The following ATXN10 variants were observed in gnomAD, a reference collection of about 807,000 sequenced individuals.
ATXN10 encodes ataxin-10.
Under a neutral mutation model 52.9 loss-of-function variants are expected in ATXN10, and 28 were observed. The observed-to-expected ratio is 0.53, with a 90% CI of 0.39 to 0.73. The LOEUF (loss-of-function observed/expected upper bound fraction) is 0.73. Ranked by LOEUF, ATXN10 falls within the 30% of genes least tolerant of loss-of-function variation. The pLI, the probability that ATXN10 is intolerant of heterozygous loss-of-function variation, is 0.00. For synonymous variants in ATXN10, 226 were observed against 221.5 expected (o/e 1.02, Z -0.18); for missense variants, 565 against 577.0 (o/e 0.98, Z 0.21).
chr22:45,783,234 T>C lies in ATXN10; in HGVS notation c.1174-23725T>C, dbSNP rs1927212103. Among the ~76,000 whole-genome samples the C allele has an allele frequency of 6.6e-6, 1 of 152,120 alleles. No individual in the cohort carries two copies. The highest frequency in any genetic ancestry group is 2.1e-4 in the South Asian group (1 of 4,818). ...GAATGGCTGGGGAGCATAAATAGTG[T>C]GGGTGTGCTGGACAAGGGAGGATTC... On this transcript the variant is annotated intron_variant, in intron 9 of 11. Transcript: ENST00000252934. The surrounding 1 kb of genome is among the most constrained non-coding windows in gnomAD (Gnocchi z 5.0).
intron 7 of ATXN10, chr22:45,738,356 G>C: frequency 5.7e-6 from 1 of 175,306 alleles, no homozygotes; most frequent in Non-Finnish European, 1.2e-5. Flanking sequence ...GAATTTGCAT[G>C]CTGGGAATGC....
chr22:45,823,012 CATCT>C lies in ATXN10; in HGVS notation c.1237+15991_1237+15994del, dbSNP rs1928702158. On this transcript the variant is annotated intron_variant, in intron 10 of 11. Coordinates refer to ENST00000252934, the MANE Select transcript of ATXN10 (RefSeq NM_013236.4). This position sits in a 1 kb window ranked among gnomAD's most constrained non-coding sequence, Gnocchi z 4.9. Reference sequence around the variant, plus strand: ...ATGTGTTGAAATAGTCTTTCCCATCCATCTTTGTTCTTACTTTCCTCATGGTGTC... The same window carrying C: ...ATGTGTTGAAATAGTCTTTCCCATCCTTGTTCTTACTTTCCTCATGGTGTC... 1 of 280,064 alleles carries C rather than the reference CATCT, an allele frequency of 3.6e-6. No individual in the cohort carries two copies. Among genetic ancestry groups the C allele is most frequent in the Non-Finnish European group, 7.4e-6 (1 of 134,970 alleles). The allele number at this position is 280,064 out of a possible 1,614,324, so 17.3% of individuals were successfully genotyped here.
intron 9 of ATXN10, among the ~76,000 whole-genome samples, chr22:45,764,188 C>T (rs907677414): frequency 2.6e-5 from 4 of 152,104 alleles, no homozygotes; most frequent in Non-Finnish European, 5.9e-5. Context: ...CCTCCCCCAT[C>T]GCAGGGGAGT....
At chr22:45,792,493 G>A (rs1927549001) in intron 9 of ATXN10, 2 of 154,722 alleles carry the variant, frequency 1.3e-5, no homozygotes, top group Non-Finnish European at 2.9e-5. Flanking sequence ...TTGTAATAGA[G>A]CCCTGGTTTC....
In ATXN10 at chr22:45,689,558, G is replaced by A. The variant is rs1923285671; in HGVS notation, c.117-154G>A. The A allele has an allele frequency of 4.5e-6, 3 of 668,170 alleles. No homozygotes were observed. In the Admixed American group the frequency reaches 6.7e-5, roughly 15 times the overall value. The allele number at this position is 668,170 out of a possible 1,614,324, so 41.4% of individuals were successfully genotyped here. A position where few individuals can be genotyped will look rare whatever the true frequency, so the allele number is the denominator to read the frequency against. Reference sequence around the variant, plus strand: ...GGTGCATAGTAAGTGCTCAATATGTGTAGATCTTTTATTTGGTGTTGTAAA... The same window carrying A: ...GGTGCATAGTAAGTGCTCAATATGTATAGATCTTTTATTTGGTGTTGTAAA... On this transcript the variant is annotated intron_variant, in intron 1 of 11. Transcript: ENST00000252934.
At chr22:45,729,734 A>C (rs769759482) in intron 7 of ATXN10, 144 bp downstream of exon 7, 6 of 939,376 alleles carry the variant, frequency 6.4e-6, no homozygotes, top group African/African-American at 1.6e-5. Context: ...ATAGTTGGAA[A>C]ATTTAGATAA....
chr22:45,675,944 T>G (rs1472163044), intron 1 of ATXN10: 2 of 152,210 alleles, frequency 1.3e-5, no homozygotes, highest in Non-Finnish European at 2.9e-5. Context: ...GATAATTCTT[T>G]TTTCTCACAT....
chr22:45,683,643 C>T lies in ATXN10; in HGVS notation c.117-6069C>T, dbSNP rs1923018420. ...AAATCTTTCTCTAAGCATGTAAAGA[C>T]ATTCTCCTTATATTTTCTTCCAAAG... On this transcript the variant is annotated intron_variant, in intron 1 of 11. Transcript: ENST00000252934. The surrounding 1 kb of genome is among the most constrained non-coding windows in gnomAD (Gnocchi z 4.8). Among the ~76,000 whole-genome samples the T allele has an allele frequency of 6.6e-6, 1 of 152,204 alleles. No homozygotes were observed. The highest frequency in any genetic ancestry group is 2.4e-5 in the African/African-American group (1 of 41,458).
chr22:45,762,449 C>T lies in ATXN10; in HGVS notation c.1173+21911C>T, dbSNP rs1926429036. Among the ~76,000 whole-genome samples, 2 of 152,226 alleles carry T rather than the reference C, an allele frequency of 1.3e-5. No homozygotes were observed. Among genetic ancestry groups the T allele is most frequent in the Admixed American group, 6.5e-5 (1 of 15,288 alleles). On this transcript the variant is annotated intron_variant, in intron 9 of 11. Coordinates refer to ENST00000252934, the MANE Select transcript of ATXN10 (RefSeq NM_013236.4). The surrounding 1 kb of genome is among the most constrained non-coding windows in gnomAD (Gnocchi z 4.3). ...CAGCAGCAGGATTCTTTCCACGGTGCATGTTCTGGCTGAGTGTTGGTGGGC... is the reference window on the plus strand; with the variant it reads ...CAGCAGCAGGATTCTTTCCACGGTGTATGTTCTGGCTGAGTGTTGGTGGGC...
intron 9 of ATXN10, among the ~76,000 whole-genome samples, chr22:45,794,442 C>A (rs1279844840): frequency 2.8e-5 from 4 of 145,424 alleles, no homozygotes; most frequent in Admixed American, 1.4e-4. Flanking sequence ...TAATTCTATT[C>A]TTTCTTAAAA....
At position 45,781,052 on chromosome 22, in the gene ATXN10, C is replaced by G. The variant is rs1201143194; in HGVS notation, c.1174-25907C>G. The stretch of plus-strand genomic sequence containing the variant: ...CAGAAAGCCCTGAGGAAAGCTCACT[C>G]TTTCTCCCTAAAGGACCAAGAAGGG... On this transcript the variant is annotated intron_variant, in intron 9 of 11. Transcript: ENST00000252934. This position sits in a 1 kb window ranked among gnomAD's most constrained non-coding sequence, Gnocchi z 4.2. Among the ~76,000 whole-genome samples, 1 of 152,208 alleles carries G rather than the reference C, an allele frequency of 6.6e-6. No homozygotes were observed. The highest frequency in any genetic ancestry group is 1.5e-5 in the Non-Finnish European group (1 of 68,042).
rs145010199 is a variant in ATXN10 at position 45,748,748 on chromosome 22, T to C, written c.1173+8210T>C. On this transcript the variant is annotated intron_variant, in intron 9 of 11. Coordinates refer to ENST00000252934, the MANE Select transcript of ATXN10 (RefSeq NM_013236.4). ...ATGTATAGGCAAGATCTGGCTTGCT[T>C]AGAATTCCACTTCTTTGTAATGTAA... 2.5e-4 allele frequency among the ~76,000 whole-genome samples: 38 copies of C among 152,338 alleles called. No homozygotes were observed. The East Asian group carries it at 6.2e-3, about 25-fold the overall frequency.
chr22:45,793,747 G>A (rs575779281), intron 9 of ATXN10: 42 of 1,431,956 alleles, frequency 2.9e-5, no homozygotes, highest in Non-Finnish European at 3.4e-5. Context: ...TGCCACCCCC[G>A]ATTCCTGCCT....
In ATXN10 at chr22:45,837,425, C is replaced by T. The variant is rs1267787337; in HGVS notation, c.1238-5566C>T. ...GCAGGCGGCTCACCAGCACGCCCAG[C>T]TGATTTTTTTGTATATTTAGTAGAG... On this transcript the variant is annotated intron_variant, in intron 10 of 11. Transcript: ENST00000252934. This position sits in a 1 kb window ranked among gnomAD's most constrained non-coding sequence, Gnocchi z 5.8. 6.6e-6 allele frequency among the ~76,000 whole-genome samples: 1 copy of T among 152,062 alleles called. No individual in the cohort carries two copies. Among genetic ancestry groups the T allele is most frequent in the East Asian group, 1.9e-4 (1 of 5,170 alleles).
rs764545600 is a variant in ATXN10 at position 45,790,130 on chromosome 22, C to T, written c.1174-16829C>T. Among the ~76,000 whole-genome samples, 2 of 152,152 alleles carry T rather than the reference C, an allele frequency of 1.3e-5. No homozygotes were observed. The highest frequency in any genetic ancestry group is 2.9e-5 in the Non-Finnish European group (2 of 68,024). On this transcript the variant is annotated intron_variant, in intron 9 of 11. Transcript: ENST00000252934. The surrounding 1 kb of genome is among the most constrained non-coding windows in gnomAD (Gnocchi z 4.7). ...GGCATTAAAGTCCAATTCTCTTGCCCATGTGTGTTCAAATAAATTGAAATT... is the reference window on the plus strand; with the variant it reads ...GGCATTAAAGTCCAATTCTCTTGCCTATGTGTGTTCAAATAAATTGAAATT...
rs1477514779 is a variant in ATXN10, at chr22:45,701,861, T to G, written c.489-828T>G. On this transcript the variant is annotated intron_variant, in intron 4 of 11. Coordinates refer to ENST00000252934, the MANE Select transcript of ATXN10 (RefSeq NM_013236.4). The surrounding 1 kb of genome is among the most constrained non-coding windows in gnomAD (Gnocchi z 4.2). The stretch of plus-strand genomic sequence containing the variant: ...GGTCAGTCAGAGAAGTCTTAACAGT[T>G]TACATGTTGCTTTTAGATGATCTCA... 6.6e-6 allele frequency among the ~76,000 whole-genome samples: 1 copy of G among 152,084 alleles called. No individual in the cohort carries two copies. Among genetic ancestry groups the G allele is most frequent in the Non-Finnish European group, 1.5e-5 (1 of 67,998 alleles).
intron 10 of ATXN10, among the ~76,000 whole-genome samples, chr22:45,810,228 G>A (rs1247777482): frequency 1.3e-5 from 2 of 152,142 alleles, no homozygotes; most frequent in Non-Finnish European, 2.9e-5. Flanking sequence ...TACAAGTTTT[G>A]AGTCTGTTTG....
At chr22:45,742,668 C>A (rs769934700) in intron 9 of ATXN10, among the ~76,000 whole-genome samples, 4 of 152,082 alleles carry the variant, frequency 2.6e-5, no homozygotes, top group African/African-American at 9.7e-5. Context: ...ATAAAACGGC[C>A]GCTTTAGGAT....
chr22:45,832,983 C>G (rs1929041713), intron 10 of ATXN10, among the ~76,000 whole-genome samples: 2 of 152,198 alleles, frequency 1.3e-5, no homozygotes, highest in Admixed American at 1.3e-4. Context: ...TTATACCTTT[C>G]TGCTGAAGGT....
Sources: allele counts gnomAD v4.1 joint callset (sites outside exome capture counted in the v4.1 genomes callset), GRCh38; gene constraint gnomAD v4.1.1; non-coding constraint Gnocchi (gnomAD v3.1); transcripts MANE v1.5; gene names NCBI Gene and HGNC (gene_info 2026-07-23, HGNC 2026-07-21).